The following CPNE9 variants were observed in gnomAD, a reference collection of about 807,000 sequenced individuals.
CPNE9 encodes copine family member 9.
A neutral mutation model predicts 83.0 loss-of-function variants in CPNE9; 59 were observed. The ratio of observed to expected loss-of-function variants is 0.71; its 90% CI spans 0.58 to 0.88. The LOEUF (loss-of-function observed/expected upper bound fraction) is 0.88. CPNE9 is among the 40% of genes least tolerant of loss of function. CPNE9 has a pLI of 0.00. For missense variants in CPNE9, 619 were observed against 720.8 expected (o/e 0.86, Z 1.62); for synonymous variants, 256 against 273.4 (o/e 0.94, Z 0.63).
At chr3:9,721,275 C>T (rs370774969) in intron 17 of CPNE9, among the ~76,000 whole-genome samples, 24 of 152,304 alleles carry the variant, frequency 1.6e-4, no homozygotes, top group East Asian at 1.3e-3. Context: ...CAAAGGCAAG[C>T]GACAGCGTCC....
At chr3:9,724,528 C>T (rs1238970575) in intron 17 of CPNE9, among the ~76,000 whole-genome samples, 1 of 152,136 alleles carries the variant, frequency 6.6e-6, no homozygotes, top group African/African-American at 2.4e-5. Flanking sequence ...CTTCTTCAGC[C>T]ACGTGGCCCA....
In CPNE9 at chr3:9,729,683, G is replaced by A; in HGVS notation, c.1653G>A (p.Glu551=). Residue 551 remains glutamate (E), a synonymous_variant, in exon 21 of 21, where the codon GAG becomes GAA. Coordinates refer to ENST00000383832, the MANE Select transcript of CPNE9 (RefSeq NM_153635.3). The part of the protein sequence containing the change: ...PANPSPIPAP[E]QP ...ACCCCAGCCCGATCCCAGCTCCAGA[G>A]CAGCCCTGAGGATTCCACATATCCA... is the stretch of plus-strand genomic sequence containing the variant. 6.2e-7 allele frequency: 1 copy of A among 1,613,042 alleles called. No homozygotes were observed. Among genetic ancestry groups the A allele is most frequent in the Middle Eastern group, 1.7e-4 (1 of 6,046 alleles).
chr3:9,720,752 T>A (rs189831556), intron 17 of CPNE9, among the ~76,000 whole-genome samples: 1 of 152,208 alleles, frequency 6.6e-6, no homozygotes, highest in South Asian at 2.1e-4. Flanking sequence ...TTAAATATTA[T>A]CTTATGCAAC....
In CPNE9 at chr3:9,729,826, C is replaced by G; in HGVS notation, c.*134C>G. On this transcript the variant is annotated 3_prime_UTR_variant, in exon 21 of 21. Coordinates refer to ENST00000383832, the MANE Select transcript of CPNE9 (RefSeq NM_153635.3). ...GAGGATCAGTGCTGGCTGACAAGCC[C>G]TCCGCCTCCTTGCCTGCAGAGGGCC... 4 of 1,302,744 alleles carry G rather than the reference C, an allele frequency of 3.1e-6. No individual in the cohort carries two copies. Among genetic ancestry groups the G allele is most frequent in the Non-Finnish European group, 4.1e-6 (4 of 981,988 alleles). The allele number at this position is 1,302,744 out of a possible 1,614,324, so 80.7% of individuals were successfully genotyped here.
At chr3:9,707,423 GA>G (rs2076575883) in intron 7 of CPNE9, among the ~76,000 whole-genome samples, 1 of 148,568 alleles carries the variant, frequency 6.7e-6, no homozygotes, top group African/African-American at 2.5e-5. Context: ...CCAATGAGAA[GA>G]CTCTGACAGT....
At chr3:9,717,636 G>A (rs986109279) in intron 15 of CPNE9, among the ~76,000 whole-genome samples, 1 of 152,108 alleles carries the variant, frequency 6.6e-6, no homozygotes, top group Non-Finnish European at 1.5e-5. Flanking sequence ...ATAGATGGGT[G>A]GAAAATGAAG....
At chr3:9,729,434 A>C (rs1469150172) in intron 20 of CPNE9, 73 bp from the exon 21 acceptor site, 1 of 1,495,898 alleles carries the variant, frequency 6.7e-7, no homozygotes. Flanking sequence ...ATCAAAAAAG[A>C]AGCCTCCCTG....
chr3:9,705,961 T>G, intron 6 of CPNE9, 26 bp from the exon 7 acceptor site: 1 of 1,610,530 alleles, frequency 6.2e-7, no homozygotes, highest in Non-Finnish European at 8.5e-7. Context: ...GAGCTTCTGG[T>G]CTTGCTGACT....
At position 9,704,798 on chromosome 3, in the gene CPNE9, G is replaced by A. The variant is rs1395020849; in HGVS notation, c.156+3G>A. On this transcript the variant is annotated splice_donor_region_variant and intron_variant, in intron 3 of 20. Coordinates refer to ENST00000383832, the MANE Select transcript of CPNE9 (RefSeq NM_153635.3). This position sits in a 1 kb window ranked among gnomAD's most constrained non-coding sequence, Gnocchi z 7.1. Reference sequence around the variant, plus strand: ...GGGCCAGCCAGGAGTGGCGGGAGGTGAGTCCCAGAGCCCCCTCCCGGCCCA... The same window carrying A: ...GGGCCAGCCAGGAGTGGCGGGAGGTAAGTCCCAGAGCCCCCTCCCGGCCCA... 1 of 1,605,612 alleles carries A rather than the reference G, an allele frequency of 6.2e-7. No homozygotes were observed. The highest frequency in any genetic ancestry group is 8.5e-7 in the Non-Finnish European group (1 of 1,177,034).
chr3:9,715,206 G>A, intron 11 of CPNE9, 83 bp from the exon 12 acceptor site: 1 of 1,462,304 alleles, frequency 6.8e-7, no homozygotes, highest in South Asian at 1.2e-5. Context: ...TAGGGGCTTA[G>A]GATAGGAGGA....
In CPNE9 at chr3:9,704,880, C is replaced by G; in HGVS notation, c.157-11C>G. Reference sequence around the variant, plus strand: ...GCACGTCCCACGCTGACCCTCCACCCCCCTACCCAGTTCGGACGGACCGAG... The same window carrying G: ...GCACGTCCCACGCTGACCCTCCACCGCCCTACCCAGTTCGGACGGACCGAG... On this transcript the variant is annotated splice_polypyrimidine_tract_variant and intron_variant, in intron 3 of 20. Transcript: ENST00000383832. The surrounding 1 kb of genome is among the most constrained non-coding windows in gnomAD (Gnocchi z 7.1). 1 of 1,610,276 alleles carries G rather than the reference C, an allele frequency of 6.2e-7. No homozygotes were observed. Among genetic ancestry groups the G allele is most frequent in the Non-Finnish European group, 8.5e-7 (1 of 1,177,498 alleles).
chr3:9,714,928 A>G lies in CPNE9; in HGVS notation c.665A>G (p.Asp222Gly), dbSNP rs775741110. ...CTACATTTCAGAACGGTGAAGATTG[A>G]TGTGTACGACTGGGACCGGGATGGA... Reference protein sequence around the residue: ...NGDYDRTVKIDVYDWDRDGSH... With the variant: ...NGDYDRTVKIGVYDWDRDGSH... Residue 222 changes from aspartate (D) to glycine (G), a missense_variant, in exon 11 of 21, where the codon GAT (aspartate) becomes GGT (glycine). By Grantham distance (94) the Asp-to-Gly change is moderately conservative. Transcript: ENST00000383832. The G allele has an allele frequency of 1.2e-6, 2 of 1,613,940 alleles. No individual in the cohort carries two copies. Among genetic ancestry groups the G allele is most frequent in the Non-Finnish European group, 1.7e-6 (2 of 1,179,864 alleles).
intron 17 of CPNE9, among the ~76,000 whole-genome samples, chr3:9,725,704 ATG>A (rs2076777781): frequency 7.4e-6 from 1 of 135,858 alleles, no homozygotes; most frequent in Admixed American, 8.5e-5. Flanking sequence ...ATGTGTATAT[ATG>A]TGTATATATG....
chr3:9,708,343 A>T (rs998799231), intron 7 of CPNE9, among the ~76,000 whole-genome samples: 1 of 152,210 alleles, frequency 6.6e-6, no homozygotes, highest in Non-Finnish European at 1.5e-5. Flanking sequence ...GGGAGACGAG[A>T]GAGAGAGAAC....
intron 20 of CPNE9, among the ~76,000 whole-genome samples, chr3:9,728,994 T>C (rs928285281): frequency 1.3e-5 from 2 of 151,980 alleles, no homozygotes; most frequent in Non-Finnish European, 2.9e-5. Context: ...ATTTTTAAAG[T>C]CATGGAAGTG....
Position 9,718,177 on chromosome 3 carries a change from C to T in CPNE9, c.1080C>T (p.Pro360=), listed in dbSNP as rs769542647. The T allele has an allele frequency of 1.2e-6, 2 of 1,613,356 alleles. No homozygotes were observed. Among genetic ancestry groups the T allele is most frequent in the East Asian group, 2.2e-5 (1 of 44,884 alleles). ...CTTATGGCTTTGGGGCCAAGCTGCCCCCAGAGGGACGGATCTCCCACCAGT... is the reference window on the plus strand; with the variant it reads ...CTTATGGCTTTGGGGCCAAGCTGCCTCCAGAGGGACGGATCTCCCACCAGT... ...FPAYGFGAKL[P]PEGRISHQFP... Residue 360 remains proline (P), a synonymous_variant, in exon 16 of 21, where the codon CCC becomes CCT. Transcript: ENST00000383832.
intron 20 of CPNE9, 57 bp downstream of exon 20, chr3:9,727,243 G>T (rs2125477547): frequency 6.3e-7 from 1 of 1,579,670 alleles, no homozygotes; most frequent in African/African-American, 1.3e-5. Flanking sequence ...AAGAGGCTAA[G>T]TTGGGAGCCA....
chr3:9,713,159 G>A (rs2076646837), intron 10 of CPNE9, 80 bp downstream of exon 10: 1 of 1,081,910 alleles, frequency 9.2e-7, no homozygotes, highest in South Asian at 1.3e-5. Context: ...GATAGTAGAA[G>A]TATCATAATA....
intron 7 of CPNE9, 58 bp downstream of exon 7, chr3:9,706,121 C>G: frequency 5.8e-6 from 9 of 1,538,960 alleles, no homozygotes; most frequent in Non-Finnish European, 8.0e-6. Context: ...TTCTCCCTCC[C>G]AAGGATGCCG....
Sources: allele counts gnomAD v4.1 joint callset (sites outside exome capture counted in the v4.1 genomes callset), GRCh38; gene constraint gnomAD v4.1.1; non-coding constraint Gnocchi (gnomAD v3.1); transcripts MANE v1.5; gene names NCBI Gene and HGNC (gene_info 2026-07-23, HGNC 2026-07-21).